Variants in DOK6 observed in about 807,000 individuals in gnomAD.
The protein encoded by DOK6 is docking protein 6.
A neutral mutation model predicts 44.0 loss-of-function variants in DOK6; 22 were observed. The observed-to-expected ratio is 0.50, with a 90% CI of 0.36 to 0.71. DOK6 has a LOEUF of 0.71. Among genes scored for constraint, DOK6 ranks in the 30% least tolerant of loss-of-function variants. The pLI is 0.00. For missense variants in DOK6, 340 were observed against 416.4 expected (o/e 0.82, Z 1.60); for synonymous variants, 166 against 145.5 (o/e 1.14, Z -1.01).
intron 7 of DOK6, among the ~76,000 whole-genome samples, chr18:69,839,682 C>T (rs1007247019): frequency 6.6e-6 from 1 of 152,184 alleles, no homozygotes; most frequent in East Asian, 1.9e-4. Flanking sequence ...CTCAGGCCTG[C>T]GGGCCAGGCG....
In DOK6 at chr18:69,698,413, A is replaced by G; in HGVS notation, c.419A>G (p.Asn140Ser). The change falls in exon 5 of 8, where the codon AAC (asparagine) becomes AGC (serine). Residue 140 changes from asparagine (N) to serine (S), a missense_variant. Physicochemically the swap from Asn to Ser is conservative, Grantham distance 46. This residue lies in a region of DOK6 where 206 missense variants were observed against 258.6 expected (regional missense o/e 0.80). Transcript: ENST00000382713. Reference sequence around the variant, plus strand: ...CTTCGTCTCTTCACAGAGAGATTCAACGTGTATCTTATGCCTACACCAAAC... The same window carrying G: ...CTTCGTCTCTTCACAGAGAGATTCAGCGTGTATCTTATGCCTACACCAAAC... ...GVQREQNERF[N>S]VYLMPTPNLD... The G allele has an allele frequency of 6.2e-7, 1 of 1,611,622 alleles. No homozygotes were observed.
chr18:69,455,156 CA>C (rs58451274), intron 1 of DOK6, among the ~76,000 whole-genome samples: 144 of 117,412 alleles, frequency 1.2e-3, no homozygotes, highest in Non-Finnish European at 1.5e-3. Flanking sequence ...ATAGCTATAG[CA>C]AAAAAAAAAA....
chr18:69,775,065 G>A (rs557303140), intron 7 of DOK6, among the ~76,000 whole-genome samples: 59 of 151,600 alleles, frequency 3.9e-4, no homozygotes, highest in South Asian at 3.7e-3. Flanking sequence ...GAAATCCCTC[G>A]TTGGCCAAGA....
intron 1 of DOK6, among the ~76,000 whole-genome samples, chr18:69,424,049 A>G (rs565965530): frequency 2.0e-5 from 3 of 152,316 alleles, no homozygotes; most frequent in South Asian, 4.2e-4. Flanking sequence ...TGTTTTTGAA[A>G]TGTAATAGTT....
chr18:69,721,845 G>A (rs1428396756), intron 5 of DOK6, among the ~76,000 whole-genome samples: 2 of 152,214 alleles, frequency 1.3e-5, no homozygotes, highest in Non-Finnish European at 2.9e-5. Flanking sequence ...AAACAGTGCT[G>A]TCTTTTTAAA....
chr18:69,531,102 T>C lies in DOK6; in HGVS notation c.67-33385T>C, dbSNP rs1981973336. Among the ~76,000 whole-genome samples the C allele has an allele frequency of 2.0e-5, 3 of 151,824 alleles. No homozygotes were observed. The South Asian group carries it at 6.2e-4, about 32-fold the overall frequency. On this transcript the variant is annotated intron_variant, in intron 1 of 7. Transcript: ENST00000382713. ...ACCCCTGCCTTTTTTTGTTTTCCAT[T>C]TGCTTGGTAGATCTTTCTCCATCCC...
At position 69,694,050 on chromosome 18, in the gene DOK6, C is replaced by G. The variant is rs557570369; in HGVS notation, c.410-4354C>G. ...CTCCAGCCTGGGCGACAGAGCGAGA[C>G]TCCGTGTCAAAAAAAAAAAAAAAAA... On this transcript the variant is annotated intron_variant, in intron 4 of 7. Transcript: ENST00000382713. Among the ~76,000 whole-genome samples the G allele has an allele frequency of 5.3e-5, 5 of 93,640 alleles. No individual in the cohort carries two copies. The East Asian group carries it at 1.6e-3, about 30-fold the overall frequency. The allele number at this position is 93,640 out of a possible 152,430, so 61.4% of individuals were successfully genotyped here. A position where few individuals can be genotyped will look rare whatever the true frequency, so the allele number is the denominator to read the frequency against.
intron 1 of DOK6, among the ~76,000 whole-genome samples, chr18:69,459,062 C>T (rs1389957549): frequency 6.6e-6 from 1 of 151,594 alleles, no homozygotes; most frequent in African/African-American, 2.4e-5. Flanking sequence ...CGCCACTGCA[C>T]TCCTGCCTGG....
At chr18:69,504,058 T>C (rs781377472) in intron 1 of DOK6, among the ~76,000 whole-genome samples, 1 of 152,074 alleles carries the variant, frequency 6.6e-6, no homozygotes, top group Non-Finnish European at 1.5e-5. Flanking sequence ...ATTATAATAC[T>C]GTAGGTTTCC....
intron 2 of DOK6, among the ~76,000 whole-genome samples, chr18:69,596,556 T>C (rs544784552): frequency 1.3e-5 from 2 of 152,110 alleles, no homozygotes; most frequent in South Asian, 4.2e-4. Context: ...AAAAACACTG[T>C]AGACTGGAAG....
intron 3 of DOK6, among the ~76,000 whole-genome samples, chr18:69,617,599 CTG>C (rs1338131500): frequency 8.2e-6 from 1 of 121,934 alleles, no homozygotes; most frequent in African/African-American, 3.0e-5. Flanking sequence ...ACAGAAAAGA[CTG>C]AGCGATAGGA....
At chr18:69,484,665 T>C (rs1348629693) in intron 1 of DOK6, among the ~76,000 whole-genome samples, 1 of 152,142 alleles carries the variant, frequency 6.6e-6, no homozygotes, top group Non-Finnish European at 1.5e-5. Context: ...AAACATCTTA[T>C]GTAATACATA....
chr18:69,693,487 A>G (rs1169215467), intron 4 of DOK6, among the ~76,000 whole-genome samples: 2 of 152,168 alleles, frequency 1.3e-5, no homozygotes, highest in Non-Finnish European at 2.9e-5. Flanking sequence ...CTTTTTATAT[A>G]TATATTTCTA....
At chr18:69,709,652 A>G (rs1255903241) in intron 5 of DOK6, among the ~76,000 whole-genome samples, 1 of 152,172 alleles carries the variant, frequency 6.6e-6, no homozygotes, top group East Asian at 1.9e-4. Flanking sequence ...TTAACTCACA[A>G]TGTCTTATGT....
At chr18:69,688,361 C>G (rs1458189501) in intron 4 of DOK6, among the ~76,000 whole-genome samples, 1 of 152,110 alleles carries the variant, frequency 6.6e-6, no homozygotes, top group Admixed American at 6.6e-5. Flanking sequence ...AGGCAAAAGA[C>G]CAACACGAGC....
At chr18:69,501,646 A>C (rs1371912125) in intron 1 of DOK6, among the ~76,000 whole-genome samples, 1 of 152,156 alleles carries the variant, frequency 6.6e-6, no homozygotes, top group Non-Finnish European at 1.5e-5. Context: ...CAAAATGCCT[A>C]ATTACAGTTG....
intron 7 of DOK6, among the ~76,000 whole-genome samples, chr18:69,838,345 C>T (rs62090545): frequency 0.014 from 2,118 of 151,908 alleles, 20 homozygotes; most frequent in Admixed American, 0.018. Flanking sequence ...ATTACAGAAA[C>T]TATGAATTGT....
chr18:69,665,323 C>T lies in DOK6; in HGVS notation c.290-12411C>T, dbSNP rs544204815. Among the ~76,000 whole-genome samples the T allele has an allele frequency of 2.6e-5, 4 of 152,284 alleles. No individual in the cohort carries two copies. In the South Asian group the frequency reaches 8.3e-4, roughly 32 times the overall value. ...ATGTGACTCTTTATGAGCTAGAAAC[C>T]TATGACCCAATGCACACTTGTGAAA... is the stretch of plus-strand genomic sequence containing the variant. On this transcript the variant is annotated intron_variant, in intron 3 of 7. Transcript: ENST00000382713.
intron 7 of DOK6, among the ~76,000 whole-genome samples, chr18:69,761,612 G>A (rs1410759952): frequency 6.6e-6 from 1 of 152,128 alleles, no homozygotes; most frequent in Non-Finnish European, 1.5e-5. Flanking sequence ...CTTGCTACCC[G>A]TCAGGGCTGA....
Sources: gnomAD v4.1 joint callset for allele counts (sites outside exome capture counted in the v4.1 genomes callset) on GRCh38, gnomAD v4.1.1 for gene constraint, gnomAD v4.1.1 regional missense constraint, MANE v1.5 for transcripts, NCBI Gene and HGNC (gene_info 2026-07-23, HGNC 2026-07-21) for gene names.